ANKRD45: variants seen among roughly 807,000 people sequenced by gnomAD.
ANKRD45 encodes the protein ankyrin repeat domain-containing protein 45.
In ANKRD45, 21 loss-of-function variants were observed where a neutral mutation model predicts 28.1. That is an observed-to-expected ratio of 0.75 (90% CI 0.53 to 1.08). The LOEUF is 1.08. Among genes scored for constraint, ANKRD45 ranks in the 50% least tolerant of loss-of-function variants. The probability of loss-of-function intolerance (pLI) is 0.00; values close to 1 mark genes in which losing one functional copy is unlikely to be tolerated. For synonymous variants in ANKRD45, 86 were observed against 103.9 expected (o/e 0.83, Z 1.05); for missense variants, 261 against 308.7 (o/e 0.85, Z 1.16).
chr1:173,691,381 A>G, the ANKRD45 span, among the ~76,000 whole-genome samples: 2 of 152,202 alleles, frequency 1.3e-5, no homozygotes, highest in Non-Finnish European at 2.9e-5. Context: ...CCCCAGAGGG[A>G]AATGTAATCA....
upstream of ANKRD45, among the ~76,000 whole-genome samples, chr1:173,672,496 G>T (rs1411304188): frequency 6.6e-6 from 1 of 152,144 alleles, no homozygotes; most frequent in Non-Finnish European, 1.5e-5. Context: ...GGGATATGAA[G>T]AATTCCCAAA....
At chr1:173,615,293 G>A (rs368231145) in intron 5 of ANKRD45, among the ~76,000 whole-genome samples, 1 of 151,322 alleles carries the variant, frequency 6.6e-6, no homozygotes, top group Admixed American at 6.6e-5. Flanking sequence ...GCTGAGGCAG[G>A]AGAATCGCTT....
At chr1:173,627,027 A>C (rs747962815) in intron 4 of ANKRD45, 38 bp downstream of exon 4, 126 of 1,467,622 alleles carry the variant, frequency 8.6e-5, no homozygotes, top group Middle Eastern at 1.8e-4. Context: ...CAAAATTCTC[A>C]AAACACTACA....
At chr1:173,661,033 T>C (rs1669751016) in intron 1 of ANKRD45, among the ~76,000 whole-genome samples, 1 of 151,886 alleles carries the variant, frequency 6.6e-6, no homozygotes, top group Non-Finnish European at 1.5e-5. Flanking sequence ...ACATGAAAAA[T>C]GTAAATCCAA....
At chr1:173,621,373 A>G (rs1212643846) in intron 5 of ANKRD45, among the ~76,000 whole-genome samples, 2 of 152,236 alleles carry the variant, frequency 1.3e-5, no homozygotes, top group African/African-American at 2.4e-5. Flanking sequence ...CTTTAGGCCA[A>G]TATCCCTGAT....
At chr1:173,648,571 C>T (rs1167262658) in intron 2 of ANKRD45, among the ~76,000 whole-genome samples, 1 of 152,120 alleles carries the variant, frequency 6.6e-6, no homozygotes, top group Non-Finnish European at 1.5e-5. Flanking sequence ...TGAGAAGAAA[C>T]CAGGAGCACC....
At chr1:173,613,722 GGA>G (rs1194079645) in intron 5 of ANKRD45, among the ~76,000 whole-genome samples, 1 of 152,066 alleles carries the variant, frequency 6.6e-6, no homozygotes, top group East Asian at 1.9e-4. Flanking sequence ...GCCCCTTCTG[GGA>G]AGTGAGGATC....
intron 3 of ANKRD45, chr1:173,637,123 A>G (rs1668482617): frequency 3.0e-6 from 3 of 999,860 alleles, no homozygotes. Context: ...GTTCTTTGGA[A>G]ACCTTTATAA....
the ANKRD45 span, among the ~76,000 whole-genome samples, chr1:173,714,502 G>A: frequency 6.6e-6 from 1 of 152,140 alleles, no homozygotes; most frequent in Non-Finnish European, 1.5e-5. Context: ...AAATCTGGAG[G>A]ATAAGGTCTA....
chr1:173,696,630 A>G, the ANKRD45 span, among the ~76,000 whole-genome samples: 1 of 152,132 alleles, frequency 6.6e-6, no homozygotes. Context: ...CCATTGGTCT[A>G]TGGGTCTGTT....
chr1:173,623,193 A>C (rs1667778886), intron 5 of ANKRD45, among the ~76,000 whole-genome samples: 1 of 151,966 alleles, frequency 6.6e-6, no homozygotes, highest in Admixed American at 6.6e-5. Flanking sequence ...CACACATGTA[A>C]TCCCAGCTAC....
chr1:173,686,417 GT>G, the ANKRD45 span, among the ~76,000 whole-genome samples: 1 of 152,144 alleles, frequency 6.6e-6, no homozygotes, highest in African/African-American at 2.4e-5. Context: ...GGTGTGATGA[GT>G]CCATCCCCTT....
At chr1:173,628,887 AGG>A (rs1383315758) in intron 3 of ANKRD45, among the ~76,000 whole-genome samples, 2 of 152,214 alleles carry the variant, frequency 1.3e-5, no homozygotes, top group African/African-American at 4.8e-5. Context: ...TGGTGGCCAC[AGG>A]GGTGCTTGTC....
At chr1:173,656,174 C>T (rs922825098) in intron 2 of ANKRD45, among the ~76,000 whole-genome samples, 10 of 152,330 alleles carry the variant, frequency 6.6e-5, no homozygotes, top group Non-Finnish European at 1.2e-4. Context: ...AGAAATCACC[C>T]GTCTTCTGCG....
At chr1:173,671,443 T>C (rs1330926286), upstream of ANKRD45, among the ~76,000 whole-genome samples, 2 of 152,178 alleles carry the variant, frequency 1.3e-5, no homozygotes, top group African/African-American at 4.8e-5. Flanking sequence ...TCAAGTGTCA[T>C]GCATAGAACT....
At chr1:173,653,721 G>C (rs758109418) in intron 2 of ANKRD45, among the ~76,000 whole-genome samples, 1 of 152,060 alleles carries the variant, frequency 6.6e-6, no homozygotes, top group Non-Finnish European at 1.5e-5. Flanking sequence ...CATTATTATT[G>C]TTTGGGAGTC....
chr1:173,608,405 C>T lies in ANKRD45; in HGVS notation c.*1740G>A, dbSNP rs1667014210. On this transcript the variant is annotated 3_prime_UTR_variant, in exon 6 of 6. Coordinates refer to ENST00000333279, the MANE Select transcript of ANKRD45 (RefSeq NM_198493.3). ...CGATCTCGGCTCACTGCAACCTCCA[C>T]CTCCCGGGCTCAGGTGATTCTCCTG... Among the ~76,000 whole-genome samples, 1 of 152,152 alleles carries T rather than the reference C, an allele frequency of 6.6e-6. No individual in the cohort carries two copies.
the ANKRD45 span, among the ~76,000 whole-genome samples, chr1:173,684,412 G>T: frequency 6.6e-4 from 101 of 152,136 alleles, 1 homozygote; most frequent in Admixed American, 6.4e-3. Context: ...TCTGGGTAAG[G>T]TAGAGGATAG....
chr1:173,686,685 T>A, the ANKRD45 span, among the ~76,000 whole-genome samples: 1 of 152,234 alleles, frequency 6.6e-6, no homozygotes, highest in African/African-American at 2.4e-5. Flanking sequence ...AGCAGTGGAC[T>A]TTATAGTCCT....
Sources: allele counts gnomAD v4.1 joint callset (sites outside exome capture counted in the v4.1 genomes callset), GRCh38; gene constraint gnomAD v4.1.1; transcripts MANE v1.5; gene names NCBI Gene and HGNC (gene_info 2026-07-23, HGNC 2026-07-21).